The following SYNPO2 variants were observed in gnomAD, a reference collection of about 807,000 sequenced individuals.
SYNPO2 encodes synaptopodin 2.
SYNPO2 carries 56 observed loss-of-function variants against 85.0 expected under a neutral mutation model. The ratio of observed to expected loss-of-function variants is 0.66; its 90% CI spans 0.53 to 0.82. The LOEUF is 0.82. SYNPO2 is among the 40% of genes least tolerant of loss of function. SYNPO2 has a pLI of 0.00. For missense variants in SYNPO2, 1,575 were observed against 1,534.2 expected (o/e 1.03, Z -0.44); for synonymous variants, 602 against 591.1 (o/e 1.02, Z -0.27).
At chr4:119,037,364 T>C in intron 4 of SYNPO2, 1 of 1,250,326 alleles carries the variant, frequency 8.0e-7, no homozygotes, top group Non-Finnish European at 1.0e-6. Context: ...AATCAAAAGT[T>C]TGTACTTGGC....
intron 1 of SYNPO2, among the ~76,000 whole-genome samples, chr4:119,007,285 T>TATATATATATATGTATATAC (rs1382318136): frequency 4.6e-4 from 32 of 68,838 alleles, no homozygotes; most frequent in African/African-American, 1.6e-3. Context: ...TGTATATACA[T>TATATATATATATGTATATAC]ATATATATAT....
chr4:118,956,980 G>A (rs1395546403), intron 1 of SYNPO2, among the ~76,000 whole-genome samples: 2 of 151,986 alleles, frequency 1.3e-5, no homozygotes, highest in Non-Finnish European at 1.5e-5. Context: ...GGGAGGTAGA[G>A]GTTGCAGTGA....
chr4:118,853,378 A>G (rs1731452800), intron 1 of SYNPO2, among the ~76,000 whole-genome samples: 1 of 152,076 alleles, frequency 6.6e-6, no homozygotes, highest in Non-Finnish European at 1.5e-5. Flanking sequence ...AATTTAGGAT[A>G]TTTCCCCCCC....
intron 1 of SYNPO2, among the ~76,000 whole-genome samples, chr4:118,959,190 AT>A (rs1289128633): frequency 2.6e-5 from 4 of 152,326 alleles, no homozygotes; most frequent in Middle Eastern, 3.4e-3. Context: ...CGATTACCAT[AT>A]CAGGACATCA....
chr4:119,030,275 G>A lies in SYNPO2; in HGVS notation c.1500G>A (p.Glu500=). Reference sequence around the variant, plus strand: ...CCCTCATGTTTGCCAAGAGGAGGGAGAGAATGGATCAGATCACAGCCCAAA... The same window carrying A: ...CCCTCATGTTTGCCAAGAGGAGGGAAAGAATGGATCAGATCACAGCCCAAA... ...KGALMFAKRR[E]RMDQITAQKE... is the part of the protein sequence containing the mutation. The change falls in exon 4 of 5, where the codon GAG becomes GAA. Residue 500 remains glutamate, a synonymous_variant. Transcript: ENST00000307142. 1 of 1,614,062 alleles carries A rather than the reference G, an allele frequency of 6.2e-7. No individual in the cohort carries two copies. The highest frequency in any genetic ancestry group is 8.5e-7 in the Non-Finnish European group (1 of 1,180,014).
rs545390527 is a variant in SYNPO2, at chr4:119,031,222, C to A, written c.2447C>A (p.Ala816Asp). The stretch of plus-strand genomic sequence containing the variant: ...ATAGCCCAGCCTTCTTACCCTCCTG[C>A]CCGGCCTGCAAGTACTTTGAACGTG... ...IKIAQPSYPP[A>D]RPASTLNVAG... The change falls in exon 4 of 5, where the codon GCC becomes GAC. Residue 816 changes from alanine to aspartate, a missense_variant. Coordinates refer to ENST00000307142, the MANE Select transcript of SYNPO2 (RefSeq NM_133477.3). 12 of 1,614,178 alleles carry A rather than the reference C, an allele frequency of 7.4e-6. No individual in the cohort carries two copies. In the African/African-American group the frequency reaches 1.2e-4, roughly 16 times the overall value.
rs549123334 is a variant in SYNPO2, at chr4:118,867,683, T to C, written c.12+16743T>C. Among the ~76,000 whole-genome samples, 4 of 152,294 alleles carry C rather than the reference T, an allele frequency of 2.6e-5. No individual in the cohort carries two copies. In the East Asian group the frequency reaches 7.7e-4, roughly 29 times the overall value. ...TTTTTTACATTAAACACATTACATG[T>C]TGTTTGACCTTCTTCTGAAAAAATT... is the stretch of plus-strand genomic sequence containing the variant. On this transcript the variant is annotated intron_variant, in intron 1 of 4. Coordinates refer to the SYNPO2 transcript ENST00000610556.
At chr4:118,895,850 G>A (rs1732534464) in intron 1 of SYNPO2, among the ~76,000 whole-genome samples, 1 of 152,062 alleles carries the variant, frequency 6.6e-6, no homozygotes, top group South Asian at 2.1e-4. Flanking sequence ...ACTTCTCTCT[G>A]TCAGTTAATT....
rs28444190 is a variant in SYNPO2 at position 118,915,635 on chromosome 4, C to T, written c.105+26494C>T. Among the ~76,000 whole-genome samples, 638 of 152,166 alleles carry T rather than the reference C, an allele frequency of 4.2e-3. 8 individuals carry two copies. The highest frequency in any genetic ancestry group is 0.015 in the African/African-American group (605 of 41,498). On this transcript the variant is annotated intron_variant, in intron 1 of 4. Transcript: ENST00000307142. The stretch of plus-strand genomic sequence containing the variant: ...CTCCAGGTTTTTGCTATTGTGAACA[C>T]GTGTTACTAGAACATGTTTCCTCTT...
At chr4:118,910,376 C>T (rs1011529227) in intron 1 of SYNPO2, among the ~76,000 whole-genome samples, 13 of 152,322 alleles carry the variant, frequency 8.5e-5, no homozygotes, top group South Asian at 2.1e-4. Context: ...TTGCATAACA[C>T]GCCTATACTC....
In SYNPO2 at chr4:119,030,481, G is replaced by T; in HGVS notation, c.1706G>T (p.Gly569Val). The T allele has an allele frequency of 6.2e-7, 1 of 1,614,056 alleles. No individual in the cohort carries two copies. The highest frequency in any genetic ancestry group is 8.5e-7 in the Non-Finnish European group (1 of 1,179,962). The change falls in exon 4 of 5, where the codon GGC becomes GTC. Residue 569 changes from glycine (G) to valine (V), a missense_variant. Gly to Val is a moderately radical substitution (Grantham distance 109). This residue lies in a region of SYNPO2 where 1,508 missense variants were observed against 1,446.8 expected (regional missense o/e 1.04). Transcript: ENST00000307142. ...HGLGHVPQQNGFSGTSETANI... is the reference protein window; with the variant it reads ...HGLGHVPQQNVFSGTSETANI... ...CTTGGCCATGTTCCCCAACAGAATG[G>T]CTTCAGTGGGACATCTGAGACAGCA...
intron 1 of SYNPO2, among the ~76,000 whole-genome samples, chr4:118,980,409 T>C (rs147374361): frequency 6.6e-6 from 1 of 152,260 alleles, no homozygotes; most frequent in East Asian, 1.9e-4. Context: ...TAGAACTGTC[T>C]ACTGTTTGCT....
At chr4:119,009,987 A>C (rs924444938) in intron 1 of SYNPO2, among the ~76,000 whole-genome samples, 1 of 152,230 alleles carries the variant, frequency 6.6e-6, no homozygotes, top group Non-Finnish European at 1.5e-5. Context: ...TTGAGTAGCA[A>C]GGATGGGTTT....
chr4:118,887,166 AGTGT>A (rs71595329), upstream of SYNPO2, among the ~76,000 whole-genome samples: 2,334 of 139,046 alleles, frequency 0.017, 29 homozygotes, highest in South Asian at 0.028. Context: ...CATCTGAGTG[AGTGT>A]GTGTGTGTGT....
rs1480191158 is a variant in SYNPO2, at chr4:119,027,243, G to A, written c.874G>A (p.Asp292Asn). The change falls in exon 3 of 5, where the codon GAC becomes AAC. Residue 292 changes from aspartate (D) to asparagine (N), a missense_variant. Physicochemically the swap from Asp to Asn is conservative, Grantham distance 23. Transcript: ENST00000307142. ...GGTGGAAGTGATCCTCGACTGCTCT[G>A]ACAGGCAGAAGACAGAAGGGTGCAG... Reference protein sequence around the residue: ...PRVEVILDCSDRQKTEGCRLQ... With the variant: ...PRVEVILDCSNRQKTEGCRLQ... 3.1e-6 allele frequency: 5 copies of A among 1,614,142 alleles called. No homozygotes were observed. The highest frequency in any genetic ancestry group is 4.2e-6 in the Non-Finnish European group (5 of 1,180,040).
chr4:119,037,128 G>T, intron 4 of SYNPO2: 4 of 1,538,792 alleles, frequency 2.6e-6, no homozygotes, highest in Non-Finnish European at 3.5e-6. Flanking sequence ...TGTAAATCTG[G>T]GATCCATAGT....
rs369917890 is a variant in SYNPO2 at position 118,860,162 on chromosome 4, A to G, written c.12+9222A>G. On this transcript the variant is annotated intron_variant, in intron 1 of 4. Transcript: ENST00000610556. ...TTGATATGCATTTCTCTGATGATCA[A>G]TAACATTAAACACCTTTTCACGCCA... Among the ~76,000 whole-genome samples the G allele has an allele frequency of 1.7e-3, 263 of 152,318 alleles. 1 individual carries two copies. Among genetic ancestry groups the G allele is most frequent in the Non-Finnish European group, 3.0e-3 (206 of 68,030 alleles).
intron 1 of SYNPO2, among the ~76,000 whole-genome samples, chr4:118,916,889 T>C (rs1204718583): frequency 2.0e-5 from 3 of 152,014 alleles, no homozygotes; most frequent in Non-Finnish European, 4.4e-5. Flanking sequence ...TGCGTCACCA[T>C]GCCTGGCTAA....
At position 118,889,157 on chromosome 4, in the gene SYNPO2, A is replaced by C; in HGVS notation, c.105+16A>C. 1 of 1,612,630 alleles carries C rather than the reference A, an allele frequency of 6.2e-7. No individual in the cohort carries two copies. On this transcript the variant is annotated intron_variant, in intron 1 of 4. Coordinates refer to ENST00000307142, the MANE Select transcript of SYNPO2 (RefSeq NM_133477.3). ...AGTTGCAAAGGTAGGACCTGAACGAAGTGTCACGGCTCTGTGCTAGGAAGG... is the reference window on the plus strand; with the variant it reads ...AGTTGCAAAGGTAGGACCTGAACGACGTGTCACGGCTCTGTGCTAGGAAGG...
Sources: allele counts gnomAD v4.1 joint callset (sites outside exome capture counted in the v4.1 genomes callset), GRCh38; gene constraint gnomAD v4.1.1; regional missense constraint gnomAD v4.1.1; transcripts MANE v1.5; gene names NCBI Gene and HGNC (gene_info 2026-07-23, HGNC 2026-07-21).